Variants in RPS6KA2 observed in about 807,000 individuals in gnomAD.
RPS6KA2 encodes the protein ribosomal protein S6 kinase A2, also known as ribosomal protein S6 kinase alpha-2.
A neutral mutation model predicts 91.8 loss-of-function variants in RPS6KA2; 42 were observed. That is an observed-to-expected ratio of 0.46 (90% confidence interval 0.36 to 0.59). RPS6KA2 has a LOEUF of 0.59. RPS6KA2 is among the 20% of genes least tolerant of loss of function. RPS6KA2 has a pLI of 0.00. For missense variants in RPS6KA2, 798 were observed against 978.5 expected (o/e 0.82, Z 2.46); for synonymous variants, 414 against 393.6 (o/e 1.05, Z -0.61).
At chr6:166,645,103 C>A (rs1474641761) in intron 2 of RPS6KA2, among the ~76,000 whole-genome samples, 1 of 152,190 alleles carries the variant, frequency 6.6e-6, no homozygotes, top group East Asian at 1.9e-4. Context: ...TTTAAACTGT[C>A]CAATTTGTAA....
At chr6:166,793,312 C>T (rs898126768) in intron 2 of RPS6KA2, among the ~76,000 whole-genome samples, 24 of 143,836 alleles carry the variant, frequency 1.7e-4, no homozygotes, top group Non-Finnish European at 2.9e-4. Context: ...TGAAGGACCT[C>T]TTCAAGGAGA....
chr6:166,606,260 A>G (rs996634171), intron 1 of RPS6KA2, among the ~76,000 whole-genome samples: 1 of 152,224 alleles, frequency 6.6e-6, no homozygotes, highest in Admixed American at 6.5e-5. Flanking sequence ...CGAGAGGTAA[A>G]ATGATTTCCC....
At position 166,508,417 on chromosome 6, in the gene RPS6KA2, T is replaced by G; in HGVS notation, c.380-135A>C. 1.6e-6 allele frequency: 1 copy of G among 631,996 alleles called. No homozygotes were observed. The highest frequency in any genetic ancestry group is 2.9e-6 in the Non-Finnish European group (1 of 349,338). The allele number at this position is 631,996 out of a possible 1,614,324, so 39.1% of individuals were successfully genotyped here. A position where few individuals can be genotyped will look rare whatever the true frequency, so the allele number is the denominator to read the frequency against. ...ACTTGAGAAACGGCAGGACCCCGGC[T>G]GGTGACCAGCTCAGAGGGGCAGCAC... On this transcript the variant is annotated intron_variant, in intron 4 of 20. Transcript: ENST00000265678. The surrounding 1 kb of genome is among the most constrained non-coding windows in gnomAD (Gnocchi z 4.3).
At chr6:166,696,208 C>T (rs1401516110) in intron 2 of RPS6KA2, among the ~76,000 whole-genome samples, 3 of 152,114 alleles carry the variant, frequency 2.0e-5, no homozygotes, top group African/African-American at 7.2e-5. Context: ...GTCTCCTGCA[C>T]TTAGGCTGTG....
intron 1 of RPS6KA2, among the ~76,000 whole-genome samples, chr6:166,589,512 G>T (rs867647422): frequency 6.6e-6 from 1 of 152,222 alleles, no homozygotes; most frequent in African/African-American, 2.4e-5. Flanking sequence ...TGTACCCTTA[G>T]AATTGAAATC....
At chr6:166,586,502 C>T in intron 1 of RPS6KA2, 2 of 1,585,916 alleles carry the variant, frequency 1.3e-6, no homozygotes, top group Non-Finnish European at 1.7e-6. Context: ...AGGTTTGAGG[C>T]AGCTGTATTG....
intron 1 of RPS6KA2, among the ~76,000 whole-genome samples, chr6:166,615,635 G>A (rs1348917504): frequency 2.0e-5 from 3 of 152,254 alleles, no homozygotes; most frequent in South Asian, 2.1e-4. Flanking sequence ...TGCTCGCTCC[G>A]CTCATACCAG....
chr6:166,539,643 GAGAA>G (rs1783591798), intron 1 of RPS6KA2, among the ~76,000 whole-genome samples: 1 of 152,218 alleles, frequency 6.6e-6, no homozygotes, highest in Non-Finnish European at 1.5e-5. Flanking sequence ...TTCCCTGTAG[GAGAA>G]AGAGTCTATA....
chr6:166,513,135 G>C (rs943461881), intron 3 of RPS6KA2, among the ~76,000 whole-genome samples: 1 of 152,200 alleles, frequency 6.6e-6, no homozygotes, highest in African/African-American at 2.4e-5. Flanking sequence ...ACGAATTTGG[G>C]TTGGGCTGCA....
chr6:166,681,699 C>CCA (rs1554247152), intron 2 of RPS6KA2, among the ~76,000 whole-genome samples: 1 of 62,640 alleles, frequency 1.6e-5, no homozygotes, highest in Non-Finnish European at 3.0e-5. Context: ...CGCCCCCCCC[C>CCA]CCGCCCCCGC....
chr6:166,840,082 G>A (rs1216326631), intron 2 of RPS6KA2, among the ~76,000 whole-genome samples: 2 of 152,038 alleles, frequency 1.3e-5, no homozygotes, highest in East Asian at 1.9e-4. Context: ...AAATTTGAAA[G>A]TGAACACTGG....
chr6:166,809,904 G>C (rs1168284858), intron 2 of RPS6KA2, among the ~76,000 whole-genome samples: 2 of 152,212 alleles, frequency 1.3e-5, no homozygotes, highest in Non-Finnish European at 2.9e-5. Flanking sequence ...GTGATGCTGG[G>C]GGAATGAACA....
intron 2 of RPS6KA2, among the ~76,000 whole-genome samples, chr6:166,768,542 G>C (rs1415804132): frequency 1.3e-5 from 2 of 152,152 alleles, no homozygotes; most frequent in South Asian, 2.1e-4. Context: ...TTCAGCAGGA[G>C]ACTGGTATAA....
chr6:166,529,778 G>A, intron 3 of RPS6KA2, among the ~76,000 whole-genome samples: 1 of 152,166 alleles, frequency 6.6e-6, no homozygotes, highest in Non-Finnish European at 1.5e-5. Flanking sequence ...AGTGGGGCCA[G>A]GATCTGTGTT....
At chr6:166,550,852 T>G (rs1475108187) in intron 1 of RPS6KA2, among the ~76,000 whole-genome samples, 2 of 151,800 alleles carry the variant, frequency 1.3e-5, no homozygotes, top group Non-Finnish European at 2.9e-5. Context: ...ATACAAAAAA[T>G]TAGCCAGGCG....
chr6:166,816,285 C>G (rs954112260), intron 2 of RPS6KA2, among the ~76,000 whole-genome samples: 2 of 151,532 alleles, frequency 1.3e-5, no homozygotes, highest in African/African-American at 4.9e-5. Flanking sequence ...GCGGCTTACA[C>G]CTGTAATCCT....
intron 2 of RPS6KA2, among the ~76,000 whole-genome samples, chr6:166,850,378 A>G (rs903569913): frequency 5.9e-5 from 9 of 152,166 alleles, no homozygotes; most frequent in African/African-American, 2.2e-4. Flanking sequence ...AATTATTTAA[A>G]TTGTCCATCT....
chr6:166,431,499 C>T (rs554095680), intron 15 of RPS6KA2, among the ~76,000 whole-genome samples: 17 of 152,072 alleles, frequency 1.1e-4, no homozygotes, highest in Non-Finnish European at 2.5e-4. Context: ...GAGTCCAGGG[C>T]GAAGTTACAT....
intron 14 of RPS6KA2, chr6:166,440,323 C>A (rs906613770): frequency 6.6e-6 from 1 of 152,140 alleles, no homozygotes; most frequent in Non-Finnish European, 1.5e-5. Flanking sequence ...GACCGTCCTC[C>A]GCCGCATGCC....
Sources: allele counts gnomAD v4.1 joint callset (sites outside exome capture counted in the v4.1 genomes callset), GRCh38; gene constraint gnomAD v4.1.1; non-coding constraint Gnocchi (gnomAD v3.1); transcripts MANE v1.5; gene names NCBI Gene and HGNC (gene_info 2026-07-23, HGNC 2026-07-21).